CTNNA2: variants seen among roughly 807,000 people sequenced by gnomAD.
CTNNA2 encodes catenin alpha 2.
A neutral mutation model predicts 101.0 loss-of-function variants in CTNNA2; 42 were observed. That is an observed-to-expected ratio of 0.42 (90% CI 0.32 to 0.54). The LOEUF is 0.54. Among genes scored for constraint, CTNNA2 ranks in the 20% least tolerant of loss-of-function variants. The probability of loss-of-function intolerance (pLI) is 0.14; values close to 1 mark genes in which losing one functional copy is unlikely to be tolerated. For missense variants in CTNNA2, 871 were observed against 1,223.1 expected (o/e 0.71, Z 4.29); for synonymous variants, 450 against 456.4 (o/e 0.99, Z 0.18).
chr2:80,576,628 T>C (rs997976581), intron 13 of CTNNA2, among the ~76,000 whole-genome samples: 6 of 151,884 alleles, frequency 4.0e-5, no homozygotes, highest in African/African-American at 1.5e-4. Flanking sequence ...GCCACACTTT[T>C]ATCAACTGAT....
Position 80,647,913 on chromosome 2 carries a change from TTC to T in CTNNA2, c.*43_*44del. The T allele has an allele frequency of 1.9e-5, 29 of 1,516,420 alleles. No individual in the cohort carries two copies. Among genetic ancestry groups the T allele is most frequent in the Non-Finnish European group, 2.6e-5 (29 of 1,132,402 alleles). The allele number at this position is 1,516,420 out of a possible 1,614,324, so 93.9% of individuals were successfully genotyped here. A position where few individuals can be genotyped will look rare whatever the true frequency, so the allele number is the denominator to read the frequency against. Reference sequence around the variant, plus strand: ...CAAGAAAGCTTTTTCTTTCTTTTCTTTCTTTCTTTTTCTTTTTAATTCCATTT... The same window carrying T: ...CAAGAAAGCTTTTTCTTTCTTTTCTTTTTCTTTTTCTTTTTAATTCCATTT... On this transcript the variant is annotated 3_prime_UTR_variant, in exon 19 of 19. Coordinates refer to ENST00000402739, the MANE Select transcript of CTNNA2 (RefSeq NM_001282597.3).
chr2:80,402,968 A>C (rs1452627075), intron 8 of CTNNA2, among the ~76,000 whole-genome samples: 1 of 151,988 alleles, frequency 6.6e-6, no homozygotes, highest in Non-Finnish European at 1.5e-5. Context: ...AAGGCAAGTG[A>C]GGCGTAGCCT....
intron 9 of CTNNA2, among the ~76,000 whole-genome samples, chr2:80,536,540 C>T (rs796255898): frequency 4.0e-4 from 61 of 152,194 alleles, no homozygotes; most frequent in African/African-American, 1.4e-3. Context: ...GAGTTGAATG[C>T]AGTGAATATT....
chr2:79,697,590 A>T (rs1684727387), intron 2 of CTNNA2, among the ~76,000 whole-genome samples: 1 of 152,032 alleles, frequency 6.6e-6, no homozygotes, highest in African/African-American at 2.4e-5. Flanking sequence ...TCTGGATGGT[A>T]ACTTTTGTGG....
At chr2:79,740,236 G>A (rs1410869668) in intron 2 of CTNNA2, among the ~76,000 whole-genome samples, 1 of 152,034 alleles carries the variant, frequency 6.6e-6, no homozygotes, top group Non-Finnish European at 1.5e-5. Context: ...GAATCATTTA[G>A]CTCCCACTTG....
chr2:79,424,785 C>A (rs374747677), intron 4 of CTNNA2, among the ~76,000 whole-genome samples: 1 of 151,960 alleles, frequency 6.6e-6, no homozygotes, highest in African/African-American at 2.4e-5. Context: ...AGATATAAAA[C>A]GAATAATTTG....
chr2:79,708,418 T>C (rs1028991486), intron 2 of CTNNA2, among the ~76,000 whole-genome samples: 12 of 152,210 alleles, frequency 7.9e-5, no homozygotes, highest in African/African-American at 2.9e-4. Flanking sequence ...TTACTTTACT[T>C]GATCTCTCAG....
chr2:80,037,318 T>C (rs1574603752), intron 7 of CTNNA2, among the ~76,000 whole-genome samples: 1 of 152,184 alleles, frequency 6.6e-6, no homozygotes, highest in African/African-American at 2.4e-5. Flanking sequence ...AGAAAGTTCT[T>C]AATTTGTCAT....
At chr2:79,976,193 A>G (rs1466642885) in intron 7 of CTNNA2, among the ~76,000 whole-genome samples, 2 of 152,218 alleles carry the variant, frequency 1.3e-5, no homozygotes, top group Non-Finnish European at 2.9e-5. Flanking sequence ...AAGCTTTTCT[A>G]ATCTGTGGGC....
intron 4 of CTNNA2, among the ~76,000 whole-genome samples, chr2:79,462,913 A>T (rs984241389): frequency 1.3e-5 from 2 of 152,154 alleles, no homozygotes; most frequent in African/African-American, 4.8e-5. Flanking sequence ...GGAAGCTGGG[A>T]TGTGTCCTTT....
chr2:80,584,731 A>G (rs924545162), intron 14 of CTNNA2, among the ~76,000 whole-genome samples: 4 of 152,080 alleles, frequency 2.6e-5, no homozygotes, highest in African/African-American at 4.8e-5. Context: ...ATGCTACCAC[A>G]TAAGGTCGTA....
chr2:79,671,151 G>A (rs1043868381), intron 2 of CTNNA2, among the ~76,000 whole-genome samples: 2 of 152,144 alleles, frequency 1.3e-5, no homozygotes, highest in African/African-American at 4.8e-5. Context: ...TGGATCCTTG[G>A]GGAAAGGATG....
intron 7 of CTNNA2, among the ~76,000 whole-genome samples, chr2:80,025,612 T>A (rs72922693): frequency 1.5e-3 from 232 of 152,054 alleles, no homozygotes; most frequent in African/African-American, 5.5e-3. Flanking sequence ...CTGTTGGGAG[T>A]CTATGGAGGT....
chr2:80,146,710 GTTTTTTTTTTTTTT>G lies in CTNNA2; in HGVS notation c.1056+236932_1056+236945del, dbSNP rs34019123. Among the ~76,000 whole-genome samples, 209 of 61,764 alleles carry G rather than the reference GTTTTTTTTTTTTTT, an allele frequency of 3.4e-3. 2 individuals carry two copies. The highest frequency in any genetic ancestry group is 5.3e-3 in the Non-Finnish European group (174 of 32,536). The allele number at this position is 61,764 out of a possible 152,430, so 40.5% of individuals were successfully genotyped here. ...TTTCTGAAGTAGGAAGTCCCCTCTG[GTTTTTTTTTTTTTT>G]TTTTTTTTTTTTTTTTTTGAGACAG... On this transcript the variant is annotated intron_variant, in intron 7 of 18. Coordinates refer to ENST00000402739, the MANE Select transcript of CTNNA2 (RefSeq NM_001282597.3).
In CTNNA2 at chr2:79,968,154, C is replaced by G. The variant is rs575166555; in HGVS notation, c.1056+58357C>G. Among the ~76,000 whole-genome samples, 3 of 151,502 alleles carry G rather than the reference C, an allele frequency of 2.0e-5. No homozygotes were observed. The East Asian group carries it at 5.8e-4, about 29-fold the overall frequency. ...GTGGTTGCACAAAATTGTGAGTGTA[C>G]TAAATACCACTGAATTGTTTACTTT... On this transcript the variant is annotated intron_variant, in intron 7 of 18. Coordinates refer to ENST00000402739, the MANE Select transcript of CTNNA2 (RefSeq NM_001282597.3).
intron 9 of CTNNA2, among the ~76,000 whole-genome samples, chr2:80,514,356 T>A (rs1220131491): frequency 3.3e-5 from 5 of 152,132 alleles, no homozygotes; most frequent in African/African-American, 1.2e-4. Flanking sequence ...CATGTTACAA[T>A]GCTCTCTTAG....
intron 2 of CTNNA2, among the ~76,000 whole-genome samples, chr2:79,735,335 C>T (rs989749185): frequency 1.3e-5 from 2 of 152,088 alleles, no homozygotes; most frequent in Admixed American, 6.6e-5. Context: ...TGTCTTGGCT[C>T]GTAGACACTA....
intron 7 of CTNNA2, among the ~76,000 whole-genome samples, chr2:80,006,359 T>TTA (rs1553427809): frequency 2.2e-5 from 3 of 139,054 alleles, no homozygotes; most frequent in Non-Finnish European, 3.1e-5. Context: ...AGAAGTGCAG[T>TTA]AAAAAAAAAA....
At chr2:79,766,456 TTTC>T (rs1673164371) in intron 3 of CTNNA2, among the ~76,000 whole-genome samples, 1 of 152,234 alleles carries the variant, frequency 6.6e-6, no homozygotes, top group Non-Finnish European at 1.5e-5. Flanking sequence ...TTTAGTATCC[TTTC>T]TTTATCCTTG....
Sources: gnomAD v4.1 joint callset for allele counts (sites outside exome capture counted in the v4.1 genomes callset) on GRCh38, gnomAD v4.1.1 for gene constraint, MANE v1.5 for transcripts, NCBI Gene and HGNC (gene_info 2026-07-23, HGNC 2026-07-21) for gene names.